The following PPP3CA variants were observed in gnomAD, a reference collection of about 807,000 sequenced individuals.
PPP3CA encodes the protein CAM-PRP catalytic subunit.
A neutral mutation model predicts 66.5 loss-of-function variants in PPP3CA; 14 were observed. That is an observed-to-expected ratio of 0.21 (90% CI 0.14 to 0.33). The LOEUF (loss-of-function observed/expected upper bound fraction) is 0.33, where lower values mean the gene tolerates loss of function less well. PPP3CA is among the 10% of genes least tolerant of loss of function. The probability of loss-of-function intolerance (pLI) is 1.00; values close to 1 mark genes in which losing one functional copy is unlikely to be tolerated. For missense variants in PPP3CA, 317 were observed against 639.5 expected, an observed-to-expected ratio of 0.50 and a Z score of 5.44; for synonymous variants, 232 against 226.2, an observed-to-expected ratio of 1.03 and a Z score of -0.23.
rs1368960904 is a variant in PPP3CA at position 101,080,382 on chromosome 4, G to A, written c.955+150C>T. The A allele has an allele frequency of 1.4e-5, 5 of 367,590 alleles. No homozygotes were observed. The South Asian group carries it at 6.5e-4, about 48-fold the overall frequency. 22.8% of individuals were successfully genotyped at this position (367,590 alleles called of 1,614,324 possible). Reference sequence around the variant, plus strand: ...ACCAAATTTGAATCTGTATCTTTGAGGATAATCACAAAGTATGCATGAAAC... The same window carrying A: ...ACCAAATTTGAATCTGTATCTTTGAAGATAATCACAAAGTATGCATGAAAC... On this transcript the variant is annotated intron_variant, in intron 8 of 13. Coordinates refer to ENST00000394854, the MANE Select transcript of PPP3CA (RefSeq NM_000944.5).
chr4:101,190,603 C>T (rs1167513080), intron 2 of PPP3CA, among the ~76,000 whole-genome samples: 1 of 152,138 alleles, frequency 6.6e-6, no homozygotes, highest in South Asian at 2.1e-4. Flanking sequence ...TACCACTCAG[C>T]TCACTGATAC....
In PPP3CA at chr4:101,025,926, G is replaced by C; in HGVS notation, c.1505C>G (p.Ala502Gly). 6.2e-7 allele frequency: 1 copy of C among 1,612,248 alleles called. No individual in the cohort carries two copies. The highest frequency in any genetic ancestry group is 8.5e-7 in the Non-Finnish European group (1 of 1,179,154). ...CGTGCCGTTAGTCTCTGAGGTGAGA[G>C]CCTTGTTGATGGAGTTAAGGTTGGC... ...SDANLNSINK[A>G]LTSETNGTDS... Residue 502 changes from alanine (A) to glycine (G), a missense_variant, in exon 14 of 14, where the codon GCT (alanine) becomes GGT (glycine). By Grantham distance (60) the Ala-to-Gly change is moderately conservative. Coordinates refer to ENST00000394854, the MANE Select transcript of PPP3CA (RefSeq NM_000944.5).
chr4:101,247,482 CAGA>C (rs1471583934), intron 1 of PPP3CA, among the ~76,000 whole-genome samples: 2 of 152,074 alleles, frequency 1.3e-5, no homozygotes, highest in Non-Finnish European at 2.9e-5. Flanking sequence ...TTTGCCATCA[CAGA>C]AGGTTTTTCC....
At chr4:101,334,205 G>A (rs1578200385) in intron 1 of PPP3CA, among the ~76,000 whole-genome samples, 1 of 151,474 alleles carries the variant, frequency 6.6e-6, no homozygotes, top group Non-Finnish European at 1.5e-5. Flanking sequence ...CGTGATCTCT[G>A]CTCACTGCAA....
At chr4:101,068,097 C>T (rs142448470) in intron 8 of PPP3CA, among the ~76,000 whole-genome samples, 1 of 152,150 alleles carries the variant, frequency 6.6e-6, no homozygotes, top group East Asian at 1.9e-4. Context: ...CTGTTCTCAC[C>T]CTTTTGCTAC....
chr4:101,026,964 G>T (rs1232417266), intron 13 of PPP3CA, among the ~76,000 whole-genome samples: 2 of 152,160 alleles, frequency 1.3e-5, no homozygotes, highest in African/African-American at 4.8e-5. Context: ...ATTAAAACAT[G>T]GAATTCTCAA....
At chr4:101,068,299 C>T (rs1169751127) in intron 8 of PPP3CA, among the ~76,000 whole-genome samples, 2 of 152,068 alleles carry the variant, frequency 1.3e-5, no homozygotes, top group Non-Finnish European at 2.9e-5. Flanking sequence ...CCAATTCTTC[C>T]ACCCGCAGAT....
chr4:101,136,369 C>T (rs543468053), intron 2 of PPP3CA, among the ~76,000 whole-genome samples: 9 of 152,022 alleles, frequency 5.9e-5, no homozygotes, highest in East Asian at 1.9e-4. Flanking sequence ...AATGAAACCC[C>T]GTCTCTACTA....
chr4:101,067,761 C>T (rs1401822752), intron 8 of PPP3CA, among the ~76,000 whole-genome samples: 13 of 150,624 alleles, frequency 8.6e-5, no homozygotes, highest in Admixed American at 3.3e-4. Flanking sequence ...CACATGTATA[C>T]GCATGTAACA....
intron 1 of PPP3CA, chr4:101,330,336 AAAG>A: frequency 2.1e-6 from 1 of 471,746 alleles, no homozygotes; most frequent in Non-Finnish European, 4.3e-6. Flanking sequence ...AAGGATGAGC[AAAG>A]AAGATAGTTT....
intron 1 of PPP3CA, among the ~76,000 whole-genome samples, chr4:101,335,430 T>C (rs1341616857): frequency 6.6e-6 from 1 of 152,070 alleles, no homozygotes; most frequent in Non-Finnish European, 1.5e-5. Flanking sequence ...AGCCCCACTA[T>C]CACCACATGG....
At chr4:101,301,242 T>C (rs995632023) in intron 1 of PPP3CA, among the ~76,000 whole-genome samples, 9 of 151,858 alleles carry the variant, frequency 5.9e-5, no homozygotes, top group African/African-American at 9.6e-5. Context: ...AACATTCACA[T>C]TGTGTTTACT....
At chr4:101,240,049 G>A (rs543702069) in intron 1 of PPP3CA, among the ~76,000 whole-genome samples, 289 of 19,672 alleles carry the variant, frequency 0.015, no homozygotes, top group Non-Finnish European at 0.037. Context: ...TGGGGGGAGC[G>A]GGGGGGAGGT....
intron 1 of PPP3CA, among the ~76,000 whole-genome samples, chr4:101,300,502 C>T (rs1389929788): frequency 2.0e-5 from 3 of 152,050 alleles, no homozygotes; most frequent in African/African-American, 7.2e-5. Context: ...ATTTTAAAAT[C>T]CCTTTTTGCC....
At chr4:101,267,327 T>A (rs1337079751) in intron 1 of PPP3CA, among the ~76,000 whole-genome samples, 2 of 152,172 alleles carry the variant, frequency 1.3e-5, no homozygotes, top group African/African-American at 4.8e-5. Flanking sequence ...TAGGTATGAA[T>A]TATCCATAAA....
Position 101,269,176 on chromosome 4 carries a change from T to C in PPP3CA, c.59-73060A>G, listed in dbSNP as rs867577325. 4.6e-5 allele frequency among the ~76,000 whole-genome samples: 7 copies of C among 152,148 alleles called. No individual in the cohort carries two copies. In the South Asian group the frequency reaches 1.4e-3, roughly 31 times the overall value. On this transcript the variant is annotated intron_variant, in intron 1 of 13. Transcript: ENST00000394854. ...CGTCTATGACAGGCTATAATAAATCTTGCCAGACTTAACTTTAACTACTCT... is the reference window on the plus strand; with the variant it reads ...CGTCTATGACAGGCTATAATAAATCCTGCCAGACTTAACTTTAACTACTCT...
At chr4:101,208,014 T>G (rs147682423) in intron 1 of PPP3CA, among the ~76,000 whole-genome samples, 286 of 152,226 alleles carry the variant, frequency 1.9e-3, no homozygotes, top group East Asian at 0.014. Context: ...TTAGGCATGA[T>G]GGGCAGTCAT....
rs1363858590 is a variant in PPP3CA, at chr4:101,024,225, A to AAATC, written c.*1636_*1639dup. On this transcript the variant is annotated 3_prime_UTR_variant, in exon 14 of 14. Transcript: ENST00000394854. ...GAGGCCCCTAGGAAGAAGCCTGTGG[A>AAATC]AATCAGCCTGTGATGTGTGGTGGTG... The AAATC allele has an allele frequency of 6.6e-6, 1 of 152,260 alleles. No individual in the cohort carries two copies. The highest frequency in any genetic ancestry group is 1.5e-5 in the Non-Finnish European group (1 of 68,044). 9.4% of individuals were successfully genotyped at this position (152,260 alleles called of 1,614,324 possible).
intron 12 of PPP3CA, 106 bp from the exon 13 acceptor site, chr4:101,029,301 T>C: frequency 2.5e-6 from 2 of 798,786 alleles, no homozygotes; most frequent in Non-Finnish European, 4.0e-6. Flanking sequence ...AGAACTAATG[T>C]TCCTGTAAGT....
Sources: gnomAD v4.1 joint callset for allele counts (sites outside exome capture counted in the v4.1 genomes callset) on GRCh38, gnomAD v4.1.1 for gene constraint, MANE v1.5 for transcripts, NCBI Gene and HGNC (gene_info 2026-07-23, HGNC 2026-07-21) for gene names.